LRP1B: variants seen among roughly 807,000 people sequenced by gnomAD.
The protein encoded by LRP1B is LDL receptor related protein 1B.
LRP1B carries 217 observed loss-of-function variants against 556.6 expected under a neutral mutation model. That is an observed-to-expected ratio of 0.39 (90% confidence interval 0.35 to 0.44). The LOEUF (loss-of-function observed/expected upper bound fraction) is 0.44, where lower values mean the gene tolerates loss of function less well. Ranked by LOEUF, LRP1B falls within the 20% of genes least tolerant of loss-of-function variation. The probability of loss-of-function intolerance (pLI) is 1.00; values close to 1 mark genes in which losing one functional copy is unlikely to be tolerated. For missense variants in LRP1B, 5,053 were observed against 5,620.8 expected, an observed-to-expected ratio of 0.90 and a Z score of 3.23; for synonymous variants, 2,047 against 1,865.8, an observed-to-expected ratio of 1.10 and a Z score of -2.50.
rs2105455932 is a variant in LRP1B, at chr2:141,055,189, G to A, written c.1479C>T (p.Ser493=). ...PGGCSHICLL[S]SSYKTRTCRC... Reference sequence around the variant, plus strand: ...GACAAGTCCGAGTTTTGTAACTGCTGCTGAGTAGACAGATGTGTGAACAGC... The same window carrying A: ...GACAAGTCCGAGTTTTGTAACTGCTACTGAGTAGACAGATGTGTGAACAGC... The change falls in exon 10 of 91, where the codon AGC becomes AGT. Residue 493 remains serine, a synonymous_variant. Transcript: ENST00000389484. 1 of 1,612,422 alleles carries A rather than the reference G, an allele frequency of 6.2e-7. No individual in the cohort carries two copies. The highest frequency in any genetic ancestry group is 1.1e-5 in the South Asian group (1 of 91,020).
chr2:140,330,155 G>C (rs907858187), intron 79 of LRP1B, among the ~76,000 whole-genome samples: 1 of 150,016 alleles, frequency 6.7e-6, no homozygotes, highest in Non-Finnish European at 1.5e-5. Context: ...AACCAGACTA[G>C]CATCACTGAA....
At chr2:140,367,082 G>C (rs1239291260) in intron 71 of LRP1B, among the ~76,000 whole-genome samples, 3 of 151,686 alleles carry the variant, frequency 2.0e-5, no homozygotes, top group Admixed American at 6.6e-5. Flanking sequence ...CCTGAGGACA[G>C]CTACAGGCAG....
At position 140,503,042 on chromosome 2, in the gene LRP1B, A is replaced by G. The variant is rs758667834; in HGVS notation, c.8583T>C (p.Thr2861=). The G allele has an allele frequency of 6.2e-7, 1 of 1,613,360 alleles. No homozygotes were observed. Among genetic ancestry groups the G allele is most frequent in the South Asian group, 1.1e-5 (1 of 91,060 alleles). ...CAAAGTCTCCATCACACTGCCATTG[A>G]GTATTTAGAAGACACCGCCCATCAG... ...SCADGRCLLN[T]QWQCDGDFDC... Residue 2861 remains threonine (T), a synonymous_variant, in exon 54 of 91, where the codon ACT becomes ACC. Transcript: ENST00000389484.
At chr2:141,932,876 A>T (rs1700543028) in intron 1 of LRP1B, among the ~76,000 whole-genome samples, 1 of 152,024 alleles carries the variant, frequency 6.6e-6, no homozygotes. Context: ...TAGTGTTTTT[A>T]CATTTTCTGA....
chr2:140,263,369 A>C (rs550925519), intron 86 of LRP1B, among the ~76,000 whole-genome samples: 1 of 152,216 alleles, frequency 6.6e-6, no homozygotes, highest in Non-Finnish European at 1.5e-5. Context: ...AGGTGGTTGA[A>C]TCCATGAGCC....
intron 2 of LRP1B, among the ~76,000 whole-genome samples, chr2:141,676,835 A>G (rs917644442): frequency 7.2e-5 from 11 of 152,182 alleles, no homozygotes; most frequent in African/African-American, 2.4e-4. Flanking sequence ...CTGTGAAGAT[A>G]GAACTTGCAG....
intron 5 of LRP1B, among the ~76,000 whole-genome samples, chr2:141,243,147 T>TA (rs1683942636): frequency 6.6e-6 from 1 of 150,892 alleles, no homozygotes; most frequent in Admixed American, 6.6e-5. Context: ...TTATTTTTAT[T>TA]TTTTTTTTCA....
chr2:140,549,725 GT>G lies in LRP1B; in HGVS notation c.7195-7755del, dbSNP rs969592068. On this transcript the variant is annotated intron_variant, in intron 43 of 90. Transcript: ENST00000389484. ...TTGCTACTTACTCTCAAAGGGTATA[GT>G]TTCAATGTCCCTTTTAGTTCCCATT... Among the ~76,000 whole-genome samples, 99 of 152,276 alleles carry G rather than the reference GT, an allele frequency of 6.5e-4. 1 individual carries two copies. The highest frequency in any genetic ancestry group is 4.1e-4 in the South Asian group (2 of 4,826).
At chr2:141,870,743 C>A (rs1277571001) in intron 1 of LRP1B, among the ~76,000 whole-genome samples, 1 of 151,856 alleles carries the variant, frequency 6.6e-6, no homozygotes, top group Non-Finnish European at 1.5e-5. Flanking sequence ...TCTTAGAAAA[C>A]TTCTCTGTCA....
intron 41 of LRP1B, among the ~76,000 whole-genome samples, chr2:140,610,495 TG>T (rs1367356271): frequency 1.3e-5 from 2 of 152,228 alleles, no homozygotes; most frequent in African/African-American, 4.8e-5. Context: ...GCACAAACTC[TG>T]GTTTCAGCTA....
intron 6 of LRP1B, among the ~76,000 whole-genome samples, chr2:141,197,364 T>C (rs1681798560): frequency 2.0e-5 from 3 of 152,146 alleles, no homozygotes; most frequent in African/African-American, 7.2e-5. Flanking sequence ...GATTTTTACT[T>C]ACACTCACTT....
At chr2:141,908,848 T>C (rs1699829442) in intron 1 of LRP1B, among the ~76,000 whole-genome samples, 2 of 152,070 alleles carry the variant, frequency 1.3e-5, no homozygotes, top group South Asian at 2.1e-4. Flanking sequence ...GCAGGCTATG[T>C]GCCCTCAAAT....
intron 3 of LRP1B, among the ~76,000 whole-genome samples, chr2:141,339,305 A>AAAAAAG (rs1553499029): frequency 0.038 from 5,708 of 149,930 alleles, 155 homozygotes; most frequent in South Asian, 0.062. Flanking sequence ...TAACGCAAAA[A>AAAAAAG]AAAAAAAAAG....
intron 27 of LRP1B, among the ~76,000 whole-genome samples, chr2:140,863,300 T>C (rs1364645276): frequency 2.0e-5 from 3 of 152,186 alleles, no homozygotes; most frequent in African/African-American, 7.2e-5. Context: ...CCTTTGACCA[T>C]TTTTTAAAAA....
chr2:140,291,166 C>T (rs1193420744), intron 84 of LRP1B, among the ~76,000 whole-genome samples: 1 of 150,774 alleles, frequency 6.6e-6, no homozygotes, highest in Admixed American at 6.6e-5. Flanking sequence ...AATAAATTTC[C>T]AAAGGCTTTC....
chr2:140,979,807 C>T (rs1202976768), intron 18 of LRP1B, among the ~76,000 whole-genome samples: 2 of 152,100 alleles, frequency 1.3e-5, no homozygotes, highest in African/African-American at 4.8e-5. Context: ...GATTAATAGT[C>T]TGGTCCCACT....
intron 7 of LRP1B, among the ~76,000 whole-genome samples, chr2:141,143,227 A>T (rs2105061965): frequency 6.6e-6 from 1 of 152,078 alleles, no homozygotes; most frequent in African/African-American, 2.4e-5. Context: ...CCGCACCCAG[A>T]GATCATCTGA....
intron 1 of LRP1B, among the ~76,000 whole-genome samples, chr2:142,034,484 C>T (rs1703809036): frequency 6.6e-6 from 1 of 151,598 alleles, no homozygotes; most frequent in Admixed American, 6.6e-5. Context: ...CTGATAACAT[C>T]CATGTTCAGT....
chr2:141,847,211 C>G (rs1697684032), intron 1 of LRP1B, among the ~76,000 whole-genome samples: 1 of 151,394 alleles, frequency 6.6e-6, no homozygotes, highest in Non-Finnish European at 1.5e-5. Flanking sequence ...AAATAAGATT[C>G]CATTTACTAT....
Sources: allele counts gnomAD v4.1 joint callset (sites outside exome capture counted in the v4.1 genomes callset), GRCh38; gene constraint gnomAD v4.1.1; transcripts MANE v1.5; gene names NCBI Gene and HGNC (gene_info 2026-07-23, HGNC 2026-07-21).